The following DLGAP1 variants were observed in gnomAD, a reference collection of about 807,000 sequenced individuals.
DLGAP1 encodes the protein disks large-associated protein 1.
Under a neutral mutation model 90.8 loss-of-function variants are expected in DLGAP1, and 11 were observed. The observed-to-expected ratio is 0.12, with a 90% CI of 0.08 to 0.20. The LOEUF (loss-of-function observed/expected upper bound fraction) is 0.20, where lower values mean the gene tolerates loss of function less well. Among genes scored for constraint, DLGAP1 ranks in the 10% least tolerant of loss-of-function variants. The pLI, the probability that DLGAP1 is intolerant of heterozygous loss-of-function variation, is 1.00. For missense variants in DLGAP1, 1,050 were observed against 1,333.8 expected, an observed-to-expected ratio of 0.79 and a Z score of 3.31; for synonymous variants, 558 against 540.7, an observed-to-expected ratio of 1.03 and a Z score of -0.44.
chr18:3,704,293 G>T (rs1347608948), intron 7 of DLGAP1, among the ~76,000 whole-genome samples: 1 of 152,158 alleles, frequency 6.6e-6, no homozygotes, highest in Admixed American at 6.5e-5. Context: ...AAAATTGACC[G>T]GGTGTGGTGG....
chr18:3,683,701 G>A (rs2060601716), intron 7 of DLGAP1, among the ~76,000 whole-genome samples: 1 of 152,178 alleles, frequency 6.6e-6, no homozygotes, highest in African/African-American at 2.4e-5. Context: ...AATAATTAAA[G>A]AGTATTAAAT....
chr18:3,537,272 C>G (rs1041343920), intron 9 of DLGAP1, among the ~76,000 whole-genome samples: 8 of 152,226 alleles, frequency 5.3e-5, no homozygotes, highest in African/African-American at 1.7e-4. Context: ...CCTCCTCCCC[C>G]TGGCCCCAGG....
At chr18:4,448,324 G>A (rs554357320) in intron 1 of DLGAP1, among the ~76,000 whole-genome samples, 1 of 152,250 alleles carries the variant, frequency 6.6e-6, no homozygotes, top group East Asian at 1.9e-4. Context: ...TACCCAAGGA[G>A]TTTAACTAGG....
chr18:4,198,607 T>C (rs1235301419), intron 1 of DLGAP1, among the ~76,000 whole-genome samples: 1 of 152,192 alleles, frequency 6.6e-6, no homozygotes, highest in Non-Finnish European at 1.5e-5. Flanking sequence ...ATGAAACCCA[T>C]ATATTTGATA....
intron 2 of DLGAP1, among the ~76,000 whole-genome samples, chr18:4,134,869 A>G (rs980296395): frequency 2.0e-5 from 3 of 152,096 alleles, no homozygotes; most frequent in African/African-American, 7.2e-5. Flanking sequence ...TTGTCAACAC[A>G]CACAATGCCT....
chr18:3,706,446 A>T (rs1289769921), intron 7 of DLGAP1, among the ~76,000 whole-genome samples: 1 of 152,226 alleles, frequency 6.6e-6, no homozygotes, highest in Non-Finnish European at 1.5e-5. Flanking sequence ...TAATGAGGAC[A>T]GGCTGACTCC....
In DLGAP1 at chr18:4,378,895, C is replaced by A. The variant is rs1337618990; in HGVS notation, c.-267+76111G>T. ...TTCCTCCTCAGCTAACATCCTCTCT[C>A]CTGGGAGCTCTTTGACAACTACACA... On this transcript the variant is annotated intron_variant, in intron 1 of 12. Coordinates refer to ENST00000315677, the MANE Select transcript of DLGAP1 (RefSeq NM_004746.4). The surrounding 1 kb of genome is among the most constrained non-coding windows in gnomAD (Gnocchi z 4.5). Among the ~76,000 whole-genome samples, 1 of 152,092 alleles carries A rather than the reference C, an allele frequency of 6.6e-6. No homozygotes were observed. The highest frequency in any genetic ancestry group is 1.5e-5 in the Non-Finnish European group (1 of 68,016).
chr18:3,867,767 T>G (rs2070491246), intron 4 of DLGAP1, among the ~76,000 whole-genome samples: 1 of 152,070 alleles, frequency 6.6e-6, no homozygotes, highest in Admixed American at 6.5e-5. Flanking sequence ...ATCTAATAAA[T>G]AAAACTTGTT....
At chr18:4,125,819 GT>G (rs1477735581) in intron 2 of DLGAP1, among the ~76,000 whole-genome samples, 1 of 152,166 alleles carries the variant, frequency 6.6e-6, no homozygotes, top group African/African-American at 2.4e-5. Flanking sequence ...CTGTTTTTAT[GT>G]CTTGGTCTCA....
chr18:4,195,319 C>T (rs957590103), intron 1 of DLGAP1, among the ~76,000 whole-genome samples: 1 of 151,972 alleles, frequency 6.6e-6, no homozygotes, highest in Non-Finnish European at 1.5e-5. Flanking sequence ...GATAAACAAG[C>T]CATTTGAGGA....
chr18:4,442,679 T>A (rs181864910), intron 1 of DLGAP1, among the ~76,000 whole-genome samples: 1 of 141,350 alleles, frequency 7.1e-6, no homozygotes, highest in Non-Finnish European at 1.6e-5. Context: ...TGCTGAAGGT[T>A]TGAATTTAAA....
chr18:3,595,197 G>C (rs937415603), intron 7 of DLGAP1, among the ~76,000 whole-genome samples: 3 of 152,160 alleles, frequency 2.0e-5, no homozygotes, highest in Admixed American at 6.5e-5. Context: ...CACCCCTTCT[G>C]TCTCCCTCTG....
At chr18:4,322,789 G>A (rs751570751) in intron 1 of DLGAP1, among the ~76,000 whole-genome samples, 2 of 151,914 alleles carry the variant, frequency 1.3e-5, no homozygotes, top group East Asian at 1.9e-4. Context: ...GTGAAACTCC[G>A]TCTCTACGAA....
chr18:4,258,462 C>T (rs1308976969), intron 1 of DLGAP1, among the ~76,000 whole-genome samples: 10 of 151,828 alleles, frequency 6.6e-5, no homozygotes, highest in Non-Finnish European at 4.4e-5. Flanking sequence ...GTTTTATATC[C>T]CATTTCCCTT....
intron 7 of DLGAP1, among the ~76,000 whole-genome samples, chr18:3,644,444 CTT>C (rs1412253229): frequency 6.8e-6 from 1 of 147,172 alleles, no homozygotes; most frequent in Non-Finnish European, 1.5e-5. Context: ...GAGTTTTGCT[CTT>C]GTTGCCCAGG....
intron 4 of DLGAP1, among the ~76,000 whole-genome samples, chr18:3,850,806 ATTTTTAT>A (rs1598997879): frequency 1.3e-5 from 2 of 152,142 alleles, no homozygotes; most frequent in Non-Finnish European, 2.9e-5. Context: ...ACTGTGCTTT[ATTTTTAT>A]TTTTTATTTT....
At chr18:3,859,381 A>G (rs1337838111) in intron 4 of DLGAP1, among the ~76,000 whole-genome samples, 1 of 152,222 alleles carries the variant, frequency 6.6e-6, no homozygotes, top group African/African-American at 2.4e-5. Flanking sequence ...TGTTTTAGAT[A>G]GTAGATTCTG....
intron 1 of DLGAP1, among the ~76,000 whole-genome samples, chr18:4,166,857 T>C (rs1460617847): frequency 2.0e-5 from 3 of 152,174 alleles, no homozygotes; most frequent in African/African-American, 7.2e-5. Context: ...AAAAGTAGAA[T>C]AGTCATTAGC....
intron 3 of DLGAP1, among the ~76,000 whole-genome samples, chr18:3,882,232 T>C (rs2071190947): frequency 6.6e-6 from 1 of 151,872 alleles, no homozygotes; most frequent in African/African-American, 2.4e-5. Context: ...GTTTAAGGTT[T>C]CTGGTTGAGT....
Sources: gnomAD v4.1 joint callset for allele counts (sites outside exome capture counted in the v4.1 genomes callset) on GRCh38, gnomAD v4.1.1 for gene constraint, Gnocchi (gnomAD v3.1) non-coding constraint, MANE v1.5 for transcripts, NCBI Gene and HGNC (gene_info 2026-07-23, HGNC 2026-07-21) for gene names.